Variants in ZWILCH observed in about 807,000 individuals in gnomAD.
The protein encoded by ZWILCH is protein zwilch homolog.
In ZWILCH, 74 loss-of-function variants were observed where a neutral mutation model predicts 79.9. That is an observed-to-expected ratio of 0.93 (90% confidence interval 0.77 to 1.12). The LOEUF (loss-of-function observed/expected upper bound fraction) is 1.12, where lower values mean the gene tolerates loss of function less well. Ranked by LOEUF, ZWILCH falls within the 50% of genes most tolerant of loss-of-function variation. ZWILCH has a pLI of 0.00. For missense variants in ZWILCH, 694 were observed against 687.5 expected (o/e 1.01, Z -0.11); for synonymous variants, 241 against 228.2 (o/e 1.06, Z -0.51).
chr15:66,526,724 A>C (rs1008077661), intron 8 of ZWILCH, among the ~76,000 whole-genome samples: 1 of 151,916 alleles, frequency 6.6e-6, no homozygotes, highest in African/African-American at 2.4e-5. Context: ...GGCCTCCCAA[A>C]GTGCTGGGAT....
intron 2 of ZWILCH, among the ~76,000 whole-genome samples, chr15:66,511,507 AAAAGAT>A: frequency 6.6e-6 from 1 of 152,040 alleles, no homozygotes; most frequent in East Asian, 1.9e-4. Flanking sequence ...AAAAAAAAAA[AAAAGAT>A]AAAAAGAAAC....
chr15:66,508,861 A>G lies in ZWILCH; in HGVS notation c.74A>G (p.Lys25Arg). 1.2e-6 allele frequency: 2 copies of G among 1,614,172 alleles called. No individual in the cohort carries two copies. Among genetic ancestry groups the G allele is most frequent in the South Asian group, 2.2e-5 (2 of 91,078 alleles). Residue 25 changes from lysine to arginine, a missense_variant, in exon 2 of 19, where the codon AAA (lysine) becomes AGA (arginine). Lys to Arg is a conservative substitution (Grantham distance 26). Transcript: ENST00000307897. Reference sequence around the variant, plus strand: ...TTCAGGAAATTTAATGAAGAAAAGAAAGGAATCCGTAAAGACCCATTTCTC... The same window carrying G: ...TTCAGGAAATTTAATGAAGAAAAGAGAGGAATCCGTAAAGACCCATTTCTC... The part of the protein sequence containing the change: ...RLLQKFNEEK[K>R]GIRKDPFLYE...
chr15:66,534,442 A>G (rs1345638691), intron 14 of ZWILCH, among the ~76,000 whole-genome samples: 1 of 152,214 alleles, frequency 6.6e-6, no homozygotes, highest in Non-Finnish European at 1.5e-5. Flanking sequence ...ACTTCACTTA[A>G]TGATGGGGAT....
chr15:66,542,191 C>T (rs1441064075), intron 17 of ZWILCH, among the ~76,000 whole-genome samples: 2 of 152,184 alleles, frequency 1.3e-5, no homozygotes, highest in African/African-American at 4.8e-5. Flanking sequence ...TGGCTCACAC[C>T]TGTAATCCCA....
intron 8 of ZWILCH, 97 bp from the exon 9 acceptor site, chr15:66,527,193 A>G: frequency 1.1e-6 from 1 of 871,988 alleles, no homozygotes; most frequent in Non-Finnish European, 1.9e-6. Context: ...AACACTCAAG[A>G]AATGTTACTG....
intron 7 of ZWILCH, 75 bp from the exon 8 acceptor site, chr15:66,523,602 A>G: frequency 1.1e-6 from 1 of 909,592 alleles, no homozygotes; most frequent in Non-Finnish European, 1.7e-6. Context: ...AGATAGTTTG[A>G]AATGCAAGTA....
intron 11 of ZWILCH, 142 bp from the exon 12 acceptor site, chr15:66,529,352 C>A (rs1478987049): frequency 8.9e-6 from 4 of 449,170 alleles, no homozygotes; most frequent in Middle Eastern, 5.9e-4. Context: ...TTTTTTTTTG[C>A]CACTTTAATT....
At chr15:66,547,961 A>AT (rs144941212) in intron 18 of ZWILCH, 8,631 of 152,056 alleles carry the variant, frequency 0.057, 341 homozygotes, top group Middle Eastern at 0.11. Context: ...TAGTTTCTAT[A>AT]TTTTTAGTAG....
chr15:66,519,627 T>C (rs577607080), intron 5 of ZWILCH, among the ~76,000 whole-genome samples: 1 of 152,042 alleles, frequency 6.6e-6, no homozygotes, highest in African/African-American at 2.4e-5. Context: ...CTAATTTTTT[T>C]GTATTTTTAA....
chr15:66,537,231 C>G lies in ZWILCH; in HGVS notation c.1542C>G (p.Val514=). ...AGCAACACATTTTTCAGCTGCCAGT[C>G]AGACCAACTGCTGTAAAGAACTTAT... ...LDEQHIFQLP[V]RPTAVKNLYQ... Residue 514 remains valine, a synonymous_variant, in exon 16 of 19, where the codon GTC becomes GTG. Transcript: ENST00000307897. 6.8e-6 allele frequency: 11 copies of G among 1,613,352 alleles called. No homozygotes were observed. Among genetic ancestry groups the G allele is most frequent in the Non-Finnish European group, 9.3e-6 (11 of 1,179,890 alleles).
chr15:66,508,970 TGC>T, intron 2 of ZWILCH, 78 bp downstream of exon 2: 12 of 1,503,602 alleles, frequency 8.0e-6, no homozygotes, highest in Non-Finnish European at 1.1e-5. Context: ...GACGGAGTCA[TGC>T]TCTGTTACCC....
rs567598937 is a variant in ZWILCH at position 66,510,704 on chromosome 15, A to G, written c.105+1812A>G. Among the ~76,000 whole-genome samples, 239 of 152,338 alleles carry G rather than the reference A, an allele frequency of 1.6e-3. 1 individual carries two copies. The highest frequency in any genetic ancestry group is 5.5e-3 in the African/African-American group (229 of 41,588). ...AAATTCTGAAATTAAGGTGTCAGCA[A>G]GTGCATGCTCTTCCTGAATTCTCTA... is the stretch of plus-strand genomic sequence containing the variant. On this transcript the variant is annotated intron_variant, in intron 2 of 18. Coordinates refer to ENST00000307897, the MANE Select transcript of ZWILCH (RefSeq NM_017975.5).
chr15:66,546,734 G>A, intron 18 of ZWILCH, 29 bp downstream of exon 18: 6 of 1,297,908 alleles, frequency 4.6e-6, no homozygotes, highest in African/African-American at 1.5e-5. Flanking sequence ...TAGTCTCTTT[G>A]TCAAATACTT....
chr15:66,539,401 CAAAAAAAAA>C (rs536047404), intron 16 of ZWILCH, among the ~76,000 whole-genome samples: 8 of 58,066 alleles, frequency 1.4e-4, no homozygotes, highest in South Asian at 6.3e-4. Flanking sequence ...AAGACCCTGT[CAAAAAAAAA>C]AAAAAAAAAA....
At chr15:66,518,311 C>CAA (rs745825513) in intron 4 of ZWILCH, among the ~76,000 whole-genome samples, 9 of 117,246 alleles carry the variant, frequency 7.7e-5, no homozygotes, top group Non-Finnish European at 1.5e-4. Flanking sequence ...TTTTTTGAGA[C>CAA]AGAGTCTCAC....
chr15:66,528,980 A>G lies in ZWILCH; in HGVS notation c.1075+23A>G, dbSNP rs550464694. On this transcript the variant is annotated intron_variant, in intron 11 of 18. Coordinates refer to ENST00000307897, the MANE Select transcript of ZWILCH (RefSeq NM_017975.5). ...GTAGTAGGTGTCCATCATGATTTAA[A>G]TTTTTCCTCTTATTTCTTAGGTTTA... 10 of 1,582,344 alleles carry G rather than the reference A, an allele frequency of 6.3e-6. No homozygotes were observed. The East Asian group carries it at 2.2e-4, about 35-fold the overall frequency.
chr15:66,529,685 G>A, intron 12 of ZWILCH, 112 bp downstream of exon 12: 1 of 771,166 alleles, frequency 1.3e-6, no homozygotes, highest in Admixed American at 2.5e-5. Flanking sequence ...CTACTTTCTA[G>A]CTGTGTAAAG....
Position 66,538,369 on chromosome 15 carries a change from T to G in ZWILCH, c.1574+1106T>G, listed in dbSNP as rs140675729. Among the ~76,000 whole-genome samples the G allele has an allele frequency of 2.0e-3, 309 of 151,466 alleles. 10 individuals are homozygous for G. The East Asian group carries it at 0.05, about 25-fold the overall frequency. On this transcript the variant is annotated intron_variant, in intron 16 of 18. Coordinates refer to ENST00000307897, the MANE Select transcript of ZWILCH (RefSeq NM_017975.5). ...TGTAATTGGTTGGCCCACCCAGTCT[T>G]CCTACTTCAGTAAGCACTTTTTTTT... is the stretch of plus-strand genomic sequence containing the variant.
In ZWILCH at chr15:66,529,504, A is replaced by G. The variant is rs1238693624; in HGVS notation, c.1086A>G (p.Ser362=). The G allele has an allele frequency of 6.2e-7, 1 of 1,613,748 alleles. No homozygotes were observed. Among genetic ancestry groups the G allele is most frequent in the Admixed American group, 1.7e-5 (1 of 59,998 alleles). Residue 362 remains serine, a synonymous_variant, in exon 12 of 19, where the codon TCA becomes TCG. Coordinates refer to ENST00000307897, the MANE Select transcript of ZWILCH (RefSeq NM_017975.5). The part of the protein sequence containing the change: ...LWCKMSSSVI[S]YQDLVKCFTL... ...GACTTGTTTTCCAAGGTGTGATTTC[A>G]TACCAAGACTTGGTGAAGTGTTTCA...
Sources: allele counts gnomAD v4.1 joint callset (sites outside exome capture counted in the v4.1 genomes callset), GRCh38; gene constraint gnomAD v4.1.1; transcripts MANE v1.5; gene names NCBI Gene and HGNC (gene_info 2026-07-23, HGNC 2026-07-21).